PCSK6: variants seen among roughly 807,000 people sequenced by gnomAD.
PCSK6 encodes paired basic amino acid cleaving enzyme 4.
In PCSK6, 85 loss-of-function variants were observed where a neutral mutation model predicts 123.3. The observed-to-expected ratio is 0.69, with a 90% CI of 0.58 to 0.83. PCSK6 has a LOEUF of 0.83. Ranked by LOEUF, PCSK6 falls within the 40% of genes least tolerant of loss-of-function variation. The pLI, the probability that PCSK6 is intolerant of heterozygous loss-of-function variation, is 0.00. For missense variants in PCSK6, 1,191 were observed against 1,282.3 expected (o/e 0.93, Z 1.09); for synonymous variants, 508 against 516.0 (o/e 0.98, Z 0.21).
intron 13 of PCSK6, among the ~76,000 whole-genome samples, chr15:101,362,140 T>G (rs533048209): frequency 6.6e-6 from 1 of 152,114 alleles, no homozygotes; most frequent in South Asian, 2.1e-4. Context: ...GTATTGTTAG[T>G]AGAGATGGGG....
chr15:101,337,483 A>G (rs1019996575), intron 13 of PCSK6: 2 of 152,214 alleles, frequency 1.3e-5, no homozygotes, highest in African/African-American at 4.8e-5. Context: ...AAAAATTATT[A>G]AATGTTGAGA....
At chr15:101,470,450 G>A (rs995922249) in intron 1 of PCSK6, among the ~76,000 whole-genome samples, 1 of 152,118 alleles carries the variant, frequency 6.6e-6, no homozygotes, top group African/African-American at 2.4e-5. Context: ...TGTGCTGTAA[G>A]ATTATTTTAT....
In PCSK6 at chr15:101,454,282, C is replaced by T. The variant is rs547238141; in HGVS notation, c.298-10622G>A. Among the ~76,000 whole-genome samples, 9 of 152,266 alleles carry T rather than the reference C, an allele frequency of 5.9e-5. No individual in the cohort carries two copies. In the South Asian group the frequency reaches 1.5e-3, roughly 25 times the overall value. On this transcript the variant is annotated intron_variant, in intron 1 of 21. Transcript: ENST00000611716. Reference sequence around the variant, plus strand: ...CTTAAAAATATATACCTCCTGTACCCGAAGATGTGAAAACGGGGTTCTGAA... The same window carrying T: ...CTTAAAAATATATACCTCCTGTACCTGAAGATGTGAAAACGGGGTTCTGAA...
chr15:101,473,205 T>C (rs2057648629), intron 1 of PCSK6, among the ~76,000 whole-genome samples: 1 of 152,070 alleles, frequency 6.6e-6, no homozygotes, highest in East Asian at 1.9e-4. Context: ...GCCTCCTGAG[T>C]AGCTGGGACT....
intron 1 of PCSK6, chr15:101,463,146 A>G: frequency 2.2e-6 from 1 of 456,960 alleles, no homozygotes; most frequent in Non-Finnish European, 4.4e-6. Context: ...TCTTTGACTC[A>G]GGAATCTTAA....
At chr15:101,350,889 T>C (rs994513443) in intron 13 of PCSK6, among the ~76,000 whole-genome samples, 1 of 152,242 alleles carries the variant, frequency 6.6e-6, no homozygotes, top group African/African-American at 2.4e-5. Context: ...GAACTGATTG[T>C]GAACATTTTC....
At chr15:101,443,512 C>A in intron 2 of PCSK6, 44 bp downstream of exon 2, 1 of 1,393,860 alleles carries the variant, frequency 7.2e-7, no homozygotes. Context: ...AGACCACAGA[C>A]CCAAACCCTC....
chr15:101,324,616 T>C (rs1178130702), intron 17 of PCSK6, among the ~76,000 whole-genome samples: 1 of 152,210 alleles, frequency 6.6e-6, no homozygotes, highest in Non-Finnish European at 1.5e-5. Flanking sequence ...CCAGGATGTC[T>C]CTCAGCATCA....
chr15:101,468,556 G>A (rs1285845568), intron 1 of PCSK6, among the ~76,000 whole-genome samples: 5 of 152,080 alleles, frequency 3.3e-5, no homozygotes, highest in South Asian at 2.1e-4. Flanking sequence ...TTCAGCTCTC[G>A]TGTCAGAAGG....
intron 11 of PCSK6, among the ~76,000 whole-genome samples, chr15:101,378,848 C>T (rs1043518352): frequency 2.0e-5 from 3 of 152,260 alleles, no homozygotes; most frequent in African/African-American, 7.2e-5. Flanking sequence ...CCTTTTCACA[C>T]CATGGATGGC....
chr15:101,489,585 C>A lies in PCSK6; in HGVS notation c.86G>T (p.Gly29Val), dbSNP rs1367077995. ...AATDTAAGAG[G>V]AGGAGGAGGP... ...GCCGGCGCCCCCCGCGCCCCCCGCG[C>A]CCCCCGCGCCCGCGGCGGTGTCGGT... The change falls in exon 1 of 22, where the codon GGC (glycine) becomes GTC (valine). Residue 29 changes from glycine (G) to valine (V), a missense_variant. This residue lies in a region of PCSK6 where 204 missense variants were observed against 166.4 expected (regional missense o/e 1.23). Transcript: ENST00000611716. The A allele has an allele frequency of 2.1e-6, 2 of 974,988 alleles. No individual in the cohort carries two copies. The highest frequency in any genetic ancestry group is 4.7e-5 in the South Asian group (1 of 21,188). 60.4% of individuals were successfully genotyped at this position (974,988 alleles called of 1,614,324 possible).
chr15:101,443,519 C>G, intron 2 of PCSK6, 37 bp downstream of exon 2: 4 of 1,443,906 alleles, frequency 2.8e-6, no homozygotes, highest in Non-Finnish European at 3.9e-6. Context: ...AGACCCAAAC[C>G]CTCCAGCCCT....
chr15:101,360,556 C>CTGAACGCTTTGCT (rs1450461088), intron 13 of PCSK6, among the ~76,000 whole-genome samples: 45 of 128,504 alleles, frequency 3.5e-4, no homozygotes, highest in African/African-American at 1.2e-3. Context: ...TTAGCATCCC[C>CTGAACGCTTTGCT]TGGAACACAC....
chr15:101,418,792 C>A (rs1226561160), intron 6 of PCSK6, among the ~76,000 whole-genome samples: 1 of 152,070 alleles, frequency 6.6e-6, no homozygotes, highest in East Asian at 1.9e-4. Context: ...GGATTACAGG[C>A]GTGAGCCACT....
chr15:101,459,815 C>T (rs964947081), intron 1 of PCSK6, among the ~76,000 whole-genome samples: 1 of 151,818 alleles, frequency 6.6e-6, no homozygotes, highest in Non-Finnish European at 1.5e-5. Context: ...ACCCTCAGTC[C>T]CTTTAGGCAG....
At chr15:101,433,711 G>A (rs1327538016) in intron 2 of PCSK6, among the ~76,000 whole-genome samples, 2 of 152,226 alleles carry the variant, frequency 1.3e-5, no homozygotes, top group Non-Finnish European at 2.9e-5. Context: ...AGTGGGCAGG[G>A]AGTAACAGTC....
intron 6 of PCSK6, among the ~76,000 whole-genome samples, chr15:101,413,027 G>GAGT (rs1488501829): frequency 4.6e-5 from 7 of 150,616 alleles, no homozygotes; most frequent in Non-Finnish European, 7.4e-5. Flanking sequence ...GGAGGAGGAG[G>GAGT]AGGAGGAGGA....
intron 10 of PCSK6, chr15:101,384,049 A>G: frequency 1.1e-6 from 1 of 911,620 alleles, no homozygotes; most frequent in Non-Finnish European, 1.3e-6. Flanking sequence ...GAGAACTATG[A>G]GTAAATATTG....
chr15:101,350,632 A>G (rs80182534), intron 13 of PCSK6, among the ~76,000 whole-genome samples: 1,879 of 152,366 alleles, frequency 0.012, 44 homozygotes, highest in African/African-American at 0.043. Flanking sequence ...GGCCCTGGGA[A>G]GAATGAGGCC....
Sources: gnomAD v4.1 joint callset for allele counts (sites outside exome capture counted in the v4.1 genomes callset) on GRCh38, gnomAD v4.1.1 for gene constraint, gnomAD v4.1.1 regional missense constraint, MANE v1.5 for transcripts, NCBI Gene and HGNC (gene_info 2026-07-23, HGNC 2026-07-21) for gene names.